WWOX: variants seen among roughly 807,000 people sequenced by gnomAD.
WWOX encodes the protein WW domain containing oxidoreductase.
WWOX carries 69 observed loss-of-function variants against 46.2 expected under a neutral mutation model. The observed-to-expected ratio is 1.49, with a 90% CI of 1.23 to 1.82. The LOEUF is 1.82. Ranked by LOEUF, WWOX falls within the 40% of genes most tolerant of loss-of-function variation. WWOX has a pLI of 0.00. For synonymous variants in WWOX, 359 were observed against 202.6 expected, an observed-to-expected ratio of 1.77 and a Z score of -6.56; for missense variants, 919 against 542.6, an observed-to-expected ratio of 1.69 and a Z score of -6.89.
chr16:78,402,135 C>T (rs948730641), intron 6 of WWOX, among the ~76,000 whole-genome samples: 8 of 152,162 alleles, frequency 5.3e-5, no homozygotes, highest in African/African-American at 1.7e-4. Context: ...CAGTTATTTT[C>T]CATCGCTACT....
chr16:78,716,230 G>C (rs1322300348), intron 8 of WWOX, among the ~76,000 whole-genome samples: 1 of 152,014 alleles, frequency 6.6e-6, no homozygotes, highest in Admixed American at 6.6e-5. Context: ...GGCAGAGATT[G>C]AAATTGTGCT....
intron 8 of WWOX, among the ~76,000 whole-genome samples, chr16:78,759,356 A>G (rs1206020035): frequency 6.6e-6 from 1 of 152,106 alleles, no homozygotes; most frequent in Non-Finnish European, 1.5e-5. Flanking sequence ...AGGCACAGAA[A>G]ATATTCTTCT....
At chr16:78,744,703 A>G (rs969554864) in intron 8 of WWOX, among the ~76,000 whole-genome samples, 18 of 152,224 alleles carry the variant, frequency 1.2e-4, no homozygotes, top group Admixed American at 1.1e-3. Flanking sequence ...AAGTGCTGGG[A>G]TTACAGGCGT....
At chr16:78,614,278 A>G (rs76884421) in intron 8 of WWOX, among the ~76,000 whole-genome samples, 71 of 152,342 alleles carry the variant, frequency 4.7e-4, no homozygotes, top group Non-Finnish European at 7.6e-4. Flanking sequence ...GGCAGTATAG[A>G]TAAATAGATG....
At chr16:78,237,368 C>T (rs971497383) in intron 5 of WWOX, 4 of 152,144 alleles carry the variant, frequency 2.6e-5, no homozygotes, top group East Asian at 1.9e-4. Flanking sequence ...TAAGTTATGG[C>T]TCATATCGTA....
chr16:78,323,912 A>G (rs1157964419), intron 5 of WWOX, among the ~76,000 whole-genome samples: 3 of 152,176 alleles, frequency 2.0e-5, no homozygotes, highest in Non-Finnish European at 4.4e-5. Context: ...TGGTCTGAAT[A>G]ATAAGCATAG....
chr16:78,130,036 T>C (rs920285586), intron 4 of WWOX: 6 of 152,180 alleles, frequency 3.9e-5, no homozygotes, highest in Non-Finnish European at 8.8e-5. Flanking sequence ...GGGGCTTTCT[T>C]CCCTTTTGCT....
At chr16:79,057,250 CA>C (rs753593118) in intron 8 of WWOX, among the ~76,000 whole-genome samples, 2 of 152,156 alleles carry the variant, frequency 1.3e-5, no homozygotes, top group Non-Finnish European at 2.9e-5. Flanking sequence ...ACCAGTCTTC[CA>C]ATGGCAAACT....
intron 8 of WWOX, among the ~76,000 whole-genome samples, chr16:78,793,963 CAG>C (rs1330929884): frequency 6.6e-6 from 1 of 151,970 alleles, no homozygotes; most frequent in African/African-American, 2.4e-5. Context: ...AGGTAGGGCT[CAG>C]AAAGACCCAT....
At chr16:79,148,391 A>G (rs1006269881) in intron 8 of WWOX, among the ~76,000 whole-genome samples, 1 of 152,142 alleles carries the variant, frequency 6.6e-6, no homozygotes, top group Admixed American at 6.5e-5. Context: ...TTGTGTGGGT[A>G]TCTTTCTGGC....
chr16:78,365,109 C>G (rs1319674186), intron 5 of WWOX, among the ~76,000 whole-genome samples: 1 of 152,164 alleles, frequency 6.6e-6, no homozygotes, highest in African/African-American at 2.4e-5. Flanking sequence ...TCCATTTCTT[C>G]ACTTGCAAAA....
intron 8 of WWOX, among the ~76,000 whole-genome samples, chr16:78,504,427 G>A (rs1007890450): frequency 4.6e-5 from 7 of 152,154 alleles, no homozygotes; most frequent in African/African-American, 1.2e-4. Context: ...CTCAGAATGC[G>A]TTTGTCTATC....
intron 8 of WWOX, among the ~76,000 whole-genome samples, chr16:78,658,495 G>A (rs2047132187): frequency 6.6e-6 from 1 of 152,070 alleles, no homozygotes; most frequent in African/African-American, 2.4e-5. Flanking sequence ...TCACAGTTTT[G>A]GAGGCCAGAC....
intron 8 of WWOX, among the ~76,000 whole-genome samples, chr16:78,732,602 T>C (rs2048994602): frequency 6.6e-6 from 1 of 152,234 alleles, no homozygotes; most frequent in Non-Finnish European, 1.5e-5. Flanking sequence ...GTAACTGGGC[T>C]ATGCTCTAAT....
At chr16:78,998,892 C>T (rs149792834) in intron 8 of WWOX, among the ~76,000 whole-genome samples, 182 of 152,278 alleles carry the variant, frequency 1.2e-3, no homozygotes, top group African/African-American at 3.9e-3. Context: ...GGGCGGTGTC[C>T]GACTTTGTTA....
chr16:78,250,957 T>G (rs13338417), intron 5 of WWOX, among the ~76,000 whole-genome samples: 3,859 of 152,278 alleles, frequency 0.025, 99 homozygotes, highest in South Asian at 0.071. Flanking sequence ...GGGGCACAGA[T>G]GTCTGTTATA....
At chr16:78,366,989 T>C (rs948969465) in intron 5 of WWOX, among the ~76,000 whole-genome samples, 54 of 146,716 alleles carry the variant, frequency 3.7e-4, no homozygotes, top group African/African-American at 1.2e-3. Context: ...TTTTTTTTTT[T>C]TTTTTTTTAA....
At chr16:78,687,766 A>G (rs1249523295) in intron 8 of WWOX, among the ~76,000 whole-genome samples, 1 of 152,118 alleles carries the variant, frequency 6.6e-6, no homozygotes, top group Admixed American at 6.5e-5. Context: ...CATATTCTCC[A>G]GGTCTGACTA....
At chr16:79,082,263 A>T (rs2048774412) in intron 8 of WWOX, among the ~76,000 whole-genome samples, 1 of 152,242 alleles carries the variant, frequency 6.6e-6, no homozygotes, top group Non-Finnish European at 1.5e-5. Flanking sequence ...AGAGGAGAAC[A>T]GGAAAGAGTC....
Sources: gnomAD v4.1 joint callset for allele counts (sites outside exome capture counted in the v4.1 genomes callset) on GRCh38, gnomAD v4.1.1 for gene constraint, MANE v1.5 for transcripts, NCBI Gene and HGNC (gene_info 2026-07-23, HGNC 2026-07-21) for gene names.